PHF2: variants seen among roughly 807,000 people sequenced by gnomAD.
The protein encoded by PHF2 is PHD finger protein 2, also known as lysine-specific demethylase PHF2.
A neutral mutation model predicts 120.5 loss-of-function variants in PHF2; 27 were observed. The ratio of observed to expected loss-of-function variants is 0.22; its 90% CI spans 0.17 to 0.31. PHF2 has a LOEUF of 0.31. Ranked by LOEUF, PHF2 falls within the 10% of genes least tolerant of loss-of-function variation. The pLI, the probability that PHF2 is intolerant of heterozygous loss-of-function variation, is 1.00. For missense variants in PHF2, 1,024 were observed against 1,434.8 expected (o/e 0.71, Z 4.63); for synonymous variants, 568 against 592.5 (o/e 0.96, Z 0.60).
At chr9:93,668,376 T>C (rs1261512487) in intron 17 of PHF2, among the ~76,000 whole-genome samples, 1 of 152,116 alleles carries the variant, frequency 6.6e-6, no homozygotes, top group Non-Finnish European at 1.5e-5. Context: ...CACAGCTCTT[T>C]GGGGGATGCC....
chr9:93,673,286 C>A (rs189727863), intron 17 of PHF2, among the ~76,000 whole-genome samples: 26 of 152,010 alleles, frequency 1.7e-4, no homozygotes, highest in African/African-American at 6.0e-4. Context: ...ATATGAGGGT[C>A]TGGACCCTCC....
intron 6 of PHF2, among the ~76,000 whole-genome samples, chr9:93,653,757 G>T (rs1826409682): frequency 6.6e-6 from 1 of 152,230 alleles, no homozygotes; most frequent in Non-Finnish European, 1.5e-5. Flanking sequence ...AAGGCTAGGA[G>T]CCTCATCATC....
At chr9:93,605,861 T>A (rs1351410194) in intron 1 of PHF2, among the ~76,000 whole-genome samples, 2 of 152,262 alleles carry the variant, frequency 1.3e-5, no homozygotes, top group Non-Finnish European at 2.9e-5. Flanking sequence ...ATAAAGCTGC[T>A]ATAAACATCC....
At chr9:93,675,641 G>C (rs1826896198) in intron 19 of PHF2, 39 bp from the exon 20 acceptor site, 3 of 1,514,648 alleles carry the variant, frequency 2.0e-6, no homozygotes, top group Non-Finnish European at 2.7e-6. Flanking sequence ...GACAGGCTGT[G>C]GCCTACAGCT....
At chr9:93,637,770 T>A (rs568379091) in intron 3 of PHF2, among the ~76,000 whole-genome samples, 4 of 152,390 alleles carry the variant, frequency 2.6e-5, no homozygotes, top group Admixed American at 2.6e-4. Flanking sequence ...TATACAAGTT[T>A]TTATGTGGAC....
At chr9:93,638,367 G>T (rs1826124655) in intron 3 of PHF2, among the ~76,000 whole-genome samples, 1 of 152,156 alleles carries the variant, frequency 6.6e-6, no homozygotes, top group Non-Finnish European at 1.5e-5. Context: ...AAGTCATGAA[G>T]ATTTATTGAT....
chr9:93,649,909 CAT>C lies in PHF2; in HGVS notation c.602+699_602+700del, dbSNP rs370212162. ...ACTCGTGACACAACACACCAACACT[CAT>C]AGACATACTCATGACACATTCATAG... On this transcript the variant is annotated intron_variant, in intron 5 of 21. Transcript: ENST00000359246. 6.9e-3 allele frequency among the ~76,000 whole-genome samples: 1,048 copies of C among 152,208 alleles called. 21 individuals are homozygous for C. The highest frequency in any genetic ancestry group is 0.024 in the African/African-American group (1,003 of 41,508).
chr9:93,596,843 C>G (rs1439351988), intron 1 of PHF2, among the ~76,000 whole-genome samples: 1 of 151,628 alleles, frequency 6.6e-6, no homozygotes, highest in Non-Finnish European at 1.5e-5. Context: ...ACTGCAACCT[C>G]TGTCTCCTGG....
intron 1 of PHF2, 124 bp from the exon 2 acceptor site, chr9:93,629,846 G>T: frequency 1.1e-6 from 1 of 873,068 alleles, no homozygotes; most frequent in East Asian, 2.5e-5. Flanking sequence ...TCCCTGCACA[G>T]CTGTGCTCCA....
chr9:93,577,082 G>A (rs1398172126), intron 1 of PHF2, among the ~76,000 whole-genome samples: 14 of 146,900 alleles, frequency 9.5e-5, no homozygotes, highest in Admixed American at 5.4e-4. Context: ...CACGGGGCCC[G>A]CGCTGGGCGC....
chr9:93,625,200 T>C (rs1374946243), intron 1 of PHF2, among the ~76,000 whole-genome samples: 3 of 152,140 alleles, frequency 2.0e-5, no homozygotes, highest in African/African-American at 7.3e-5. Context: ...TGTAAACATA[T>C]TATCATTTCA....
chr9:93,577,335 G>T (rs756007740), intron 1 of PHF2, among the ~76,000 whole-genome samples: 172 of 151,850 alleles, frequency 1.1e-3, no homozygotes, highest in Non-Finnish European at 1.5e-3. Context: ...AAGCGGGCGC[G>T]CAGCCCGGCG....
rs367957549 is a variant in PHF2, at chr9:93,616,887, C to T, written c.99-13083C>T. Among the ~76,000 whole-genome samples, 22 of 152,250 alleles carry T rather than the reference C, an allele frequency of 1.4e-4. No homozygotes were observed. The South Asian group carries it at 1.7e-3, about 11-fold the overall frequency. On this transcript the variant is annotated intron_variant, in intron 1 of 21. Coordinates refer to ENST00000359246, the MANE Select transcript of PHF2 (RefSeq NM_005392.4). ...GCCAGGCTAGTCTTGAACTCCTGACCTCAGGTGATCCACCCACCTCGGCCT... is the reference window on the plus strand; with the variant it reads ...GCCAGGCTAGTCTTGAACTCCTGACTTCAGGTGATCCACCCACCTCGGCCT...
rs1329349271 is a variant in PHF2 at position 93,617,071 on chromosome 9, T to C, written c.99-12899T>C. Among the ~76,000 whole-genome samples, 4 of 152,208 alleles carry C rather than the reference T, an allele frequency of 2.6e-5. No homozygotes were observed. In the East Asian group the frequency reaches 7.7e-4, roughly 29 times the overall value. ...CAATCCGGTTGTGCTGTTCGGGAGA[T>C]CATTCCAGGCTTGGCATGGTCTGGA... On this transcript the variant is annotated intron_variant, in intron 1 of 21. Coordinates refer to ENST00000359246, the MANE Select transcript of PHF2 (RefSeq NM_005392.4).
chr9:93,604,469 C>CTT (rs767869117), intron 1 of PHF2, among the ~76,000 whole-genome samples: 1 of 141,434 alleles, frequency 7.1e-6, no homozygotes, highest in Non-Finnish European at 1.5e-5. Context: ...TATTTTCTTT[C>CTT]TTTTTTTTTT....
intron 1 of PHF2, among the ~76,000 whole-genome samples, chr9:93,618,683 G>T (rs558716538): frequency 6.6e-6 from 1 of 152,236 alleles, no homozygotes; most frequent in South Asian, 2.1e-4. Context: ...TTTAAAAATT[G>T]TAATATTAAT....
chr9:93,646,599 T>C (rs1289126508), intron 4 of PHF2, among the ~76,000 whole-genome samples: 5 of 152,120 alleles, frequency 3.3e-5, no homozygotes, highest in African/African-American at 4.8e-5. Flanking sequence ...TGAGGCTCAC[T>C]CTCTTCCTCT....
At chr9:93,578,000 G>C (rs1862866029) in intron 1 of PHF2, among the ~76,000 whole-genome samples, 1 of 152,198 alleles carries the variant, frequency 6.6e-6, no homozygotes, top group African/African-American at 2.4e-5. Flanking sequence ...AGGGGTGTGT[G>C]GTGGTGGGTG....
chr9:93,652,668 C>T (rs1826388844), intron 5 of PHF2, among the ~76,000 whole-genome samples: 1 of 152,216 alleles, frequency 6.6e-6, no homozygotes, highest in African/African-American at 2.4e-5. Flanking sequence ...GCTGCCTCTG[C>T]ATCTCCCTAT....
Sources: gnomAD v4.1 joint callset for allele counts (sites outside exome capture counted in the v4.1 genomes callset) on GRCh38, gnomAD v4.1.1 for gene constraint, MANE v1.5 for transcripts, NCBI Gene and HGNC (gene_info 2026-07-23, HGNC 2026-07-21) for gene names.